Variants in ZNF385D observed in about 807,000 individuals in gnomAD.
ZNF385D encodes the protein zinc finger protein 659.
In ZNF385D, 15 loss-of-function variants were observed where a neutral mutation model predicts 35.8. The ratio of observed to expected loss-of-function variants is 0.42; its 90% CI spans 0.28 to 0.64. ZNF385D has a LOEUF of 0.64. Among genes scored for constraint, ZNF385D ranks in the 30% least tolerant of loss-of-function variants. ZNF385D has a pLI of 0.23. For synonymous variants in ZNF385D, 212 were observed against 186.8 expected (o/e 1.13, Z -1.10); for missense variants, 474 against 494.6 (o/e 0.96, Z 0.39).
intron 3 of ZNF385D, among the ~76,000 whole-genome samples, chr3:22,120,735 C>T (rs1002010681): frequency 2.0e-5 from 3 of 152,116 alleles, no homozygotes; most frequent in Admixed American, 6.6e-5. Context: ...TCAATTAATA[C>T]TAAAACAAAA....
chr3:21,473,925 TATATC>T (rs1704062005), intron 4 of ZNF385D, among the ~76,000 whole-genome samples: 1 of 152,104 alleles, frequency 6.6e-6, no homozygotes, highest in African/African-American at 2.4e-5. Context: ...AGCCTAATGA[TATATC>T]ATAAGATAGC....
chr3:21,531,867 G>A (rs1426100833), intron 3 of ZNF385D, among the ~76,000 whole-genome samples: 2 of 152,122 alleles, frequency 1.3e-5, no homozygotes, highest in Admixed American at 6.6e-5. Context: ...CACCAATTAC[G>A]AACCCTAAAG....
chr3:22,167,142 G>T (rs545576932), intron 3 of ZNF385D, among the ~76,000 whole-genome samples: 2 of 152,312 alleles, frequency 1.3e-5, no homozygotes, highest in East Asian at 3.9e-4. Context: ...CAAGCTACAA[G>T]TCAAATCCAT....
rs144815137 is a variant in ZNF385D at position 21,466,611 on chromosome 3, T to C, written c.440-29408A>G. 2.9e-4 allele frequency among the ~76,000 whole-genome samples: 44 copies of C among 152,302 alleles called. No homozygotes were observed. The East Asian group carries it at 5.2e-3, about 18-fold the overall frequency. On this transcript the variant is annotated intron_variant, in intron 4 of 7. Coordinates refer to ENST00000281523, the MANE Select transcript of ZNF385D (RefSeq NM_024697.3). ...CCTGCCTACTGGTTGCATTCCTCACTAGCCTGAAAGAAATGGTAATGTAGT... is the reference window on the plus strand; with the variant it reads ...CCTGCCTACTGGTTGCATTCCTCACCAGCCTGAAAGAAATGGTAATGTAGT...
At chr3:21,619,558 C>T (rs1289882352) in intron 2 of ZNF385D, among the ~76,000 whole-genome samples, 5 of 151,924 alleles carry the variant, frequency 3.3e-5, no homozygotes, top group Non-Finnish European at 7.4e-5. Context: ...AACACAAATC[C>T]GATGTTCACA....
At chr3:21,429,281 G>A (rs1318766453) in intron 5 of ZNF385D, among the ~76,000 whole-genome samples, 1 of 151,988 alleles carries the variant, frequency 6.6e-6, no homozygotes. Context: ...TCATGTACCA[G>A]TCTTTTATAT....
chr3:21,870,573 A>G (rs1364775328), intron 3 of ZNF385D, among the ~76,000 whole-genome samples: 2 of 152,304 alleles, frequency 1.3e-5, no homozygotes, highest in African/African-American at 4.8e-5. Flanking sequence ...CATATTTATG[A>G]TCAATAAATG....
chr3:21,768,370 A>C (rs2125603811), intron 3 of ZNF385D, among the ~76,000 whole-genome samples: 1 of 152,198 alleles, frequency 6.6e-6, no homozygotes, highest in East Asian at 1.9e-4. Context: ...GATCCTGGGA[A>C]GTAGCAGAGT....
At chr3:21,573,073 G>A (rs180943762) in intron 2 of ZNF385D, among the ~76,000 whole-genome samples, 263 of 152,124 alleles carry the variant, frequency 1.7e-3, no homozygotes, top group Middle Eastern at 3.4e-3. Context: ...ATCTAACTCC[G>A]CAGTCTGTAC....
chr3:21,466,581 A>T (rs1703531897), intron 4 of ZNF385D, among the ~76,000 whole-genome samples: 1 of 151,996 alleles, frequency 6.6e-6, no homozygotes, highest in South Asian at 2.1e-4. Flanking sequence ...CCTGTATCTC[A>T]ATTTCCTGCC....
At chr3:21,965,789 G>C (rs1702880139) in intron 3 of ZNF385D, among the ~76,000 whole-genome samples, 1 of 152,094 alleles carries the variant, frequency 6.6e-6, no homozygotes, top group Non-Finnish European at 1.5e-5. Flanking sequence ...GAAGTATTTA[G>C]GGATAAAAGG....
At chr3:22,111,549 C>A (rs1329625028) in intron 3 of ZNF385D, among the ~76,000 whole-genome samples, 2 of 152,184 alleles carry the variant, frequency 1.3e-5, no homozygotes, top group African/African-American at 4.8e-5. Flanking sequence ...GGATGAGGCG[C>A]TGTTCAGTGC....
chr3:21,725,633 G>A (rs2068726819), intron 1 of ZNF385D, among the ~76,000 whole-genome samples: 2 of 152,132 alleles, frequency 1.3e-5, no homozygotes, highest in Admixed American at 1.3e-4. Context: ...TCTAAACCAG[G>A]AAAAGTCGAA....
chr3:22,174,503 C>A (rs1478374745), intron 2 of ZNF385D, among the ~76,000 whole-genome samples: 1 of 152,078 alleles, frequency 6.6e-6, no homozygotes, highest in African/African-American at 2.4e-5. Flanking sequence ...CCAAAATATT[C>A]TTGTTTTACA....
At chr3:21,893,344 T>C (rs1420533423) in intron 3 of ZNF385D, among the ~76,000 whole-genome samples, 1 of 152,064 alleles carries the variant, frequency 6.6e-6, no homozygotes, top group Admixed American at 6.6e-5. Flanking sequence ...ATGTAAAACA[T>C]GGTAAAAAAT....
chr3:21,683,950 G>T (rs1394754398), intron 1 of ZNF385D, among the ~76,000 whole-genome samples: 1 of 150,128 alleles, frequency 6.7e-6, no homozygotes, highest in Non-Finnish European at 1.5e-5. Flanking sequence ...ATGATACCCT[G>T]AACAGAGAAC....
At chr3:21,630,440 G>C (rs1269140451) in intron 2 of ZNF385D, among the ~76,000 whole-genome samples, 4 of 151,946 alleles carry the variant, frequency 2.6e-5, no homozygotes, top group African/African-American at 9.7e-5. Context: ...CCTGACCTCA[G>C]GTGATCTGCC....
intron 3 of ZNF385D, among the ~76,000 whole-genome samples, chr3:21,971,026 G>C (rs899539689): frequency 2.0e-5 from 3 of 152,040 alleles, no homozygotes; most frequent in African/African-American, 7.2e-5. Flanking sequence ...AAAGCTGAGG[G>C]ATTTTATCAA....
At chr3:22,318,951 G>A (rs1479994131) in intron 2 of ZNF385D, among the ~76,000 whole-genome samples, 1 of 152,124 alleles carries the variant, frequency 6.6e-6, no homozygotes, top group Non-Finnish European at 1.5e-5. Flanking sequence ...TTTTGAGAAA[G>A]TAGCATACTT....
Sources: gnomAD v4.1 joint callset for allele counts (sites outside exome capture counted in the v4.1 genomes callset) on GRCh38, gnomAD v4.1.1 for gene constraint, MANE v1.5 for transcripts, NCBI Gene and HGNC (gene_info 2026-07-23, HGNC 2026-07-21) for gene names.